PKN2: variants seen among roughly 807,000 people sequenced by gnomAD.
PKN2 encodes protein kinase N2, also known as serine/threonine-protein kinase N2.
PKN2 carries 38 observed loss-of-function variants against 119.1 expected under a neutral mutation model. That is an observed-to-expected ratio of 0.32 (90% CI 0.25 to 0.42). PKN2 has a LOEUF of 0.42. Among genes scored for constraint, PKN2 ranks in the 10% least tolerant of loss-of-function variants. The pLI, the probability that PKN2 is intolerant of heterozygous loss-of-function variation, is 1.00. For missense variants in PKN2, 850 were observed against 1,165.1 expected, an observed-to-expected ratio of 0.73 and a Z score of 3.94; for synonymous variants, 390 against 384.9, an observed-to-expected ratio of 1.01 and a Z score of -0.15.
chr1:88,686,028 T>C (rs1435832233), intron 1 of PKN2, among the ~76,000 whole-genome samples: 1 of 152,192 alleles, frequency 6.6e-6, no homozygotes, highest in Non-Finnish European at 1.5e-5. Context: ...TTTCATATAA[T>C]TGAAAATGTT....
intron 1 of PKN2, among the ~76,000 whole-genome samples, chr1:88,692,604 C>G (rs995310949): frequency 5.9e-5 from 9 of 152,152 alleles, no homozygotes; most frequent in Admixed American, 2.0e-4. Flanking sequence ...GCGCATTTTC[C>G]TGGTTATCAC....
chr1:88,754,902 G>A (rs1669140475), intron 2 of PKN2, among the ~76,000 whole-genome samples: 2 of 152,084 alleles, frequency 1.3e-5, no homozygotes, highest in Non-Finnish European at 2.9e-5. Context: ...ATTTTGAATT[G>A]TATAATAATG....
chr1:88,744,716 C>T (rs539164923), intron 2 of PKN2, among the ~76,000 whole-genome samples: 13 of 152,252 alleles, frequency 8.5e-5, no homozygotes, highest in Admixed American at 2.0e-4. Context: ...CCATCCTGCC[C>T]GGCTAGGGAC....
intron 1 of PKN2, among the ~76,000 whole-genome samples, chr1:88,685,555 G>T (rs1274252739): frequency 1.3e-5 from 2 of 152,144 alleles, no homozygotes; most frequent in African/African-American, 2.4e-5. Context: ...ATTTTCTTTA[G>T]ATCTCTATGG....
intron 17 of PKN2, among the ~76,000 whole-genome samples, chr1:88,823,786 G>A (rs1217401191): frequency 4.0e-5 from 6 of 148,318 alleles, no homozygotes; most frequent in Non-Finnish European, 5.9e-5. Flanking sequence ...TGAGGCCAGC[G>A]GATCACGAGG....
chr1:88,795,990 C>G lies in PKN2; in HGVS notation c.1282-8401C>G, dbSNP rs151121996. 1.2e-3 allele frequency among the ~76,000 whole-genome samples: 187 copies of G among 152,330 alleles called. 1 individual carries two copies. Among genetic ancestry groups the G allele is most frequent in the African/African-American group, 4.2e-3 (174 of 41,582 alleles). ...AAATAACTTGCTCACGGTCACAGAA[C>G]TACTAAGTGGTGTGGGATTAAGATT... On this transcript the variant is annotated intron_variant, in intron 8 of 21. Transcript: ENST00000370521.
At chr1:88,786,764 G>A (rs931412381) in intron 8 of PKN2, among the ~76,000 whole-genome samples, 1 of 151,944 alleles carries the variant, frequency 6.6e-6, no homozygotes, top group Non-Finnish European at 1.5e-5. Flanking sequence ...ATATTAAAAC[G>A]TAATCGTAAT....
At chr1:88,734,619 A>G (rs896701567) in intron 1 of PKN2, among the ~76,000 whole-genome samples, 12 of 152,136 alleles carry the variant, frequency 7.9e-5, no homozygotes, top group African/African-American at 2.4e-4. Flanking sequence ...TTTGAAGTCA[A>G]GTAGTATGAT....
intron 1 of PKN2, among the ~76,000 whole-genome samples, chr1:88,728,822 T>C (rs1042549522): frequency 6.6e-6 from 1 of 152,068 alleles, no homozygotes; most frequent in African/African-American, 2.4e-5. Context: ...CATATTTAGC[T>C]TAATATAGAT....
chr1:88,835,541 A>T lies in PKN2; in HGVS notation c.*2093A>T, dbSNP rs1672907783. The T allele has an allele frequency of 6.6e-6, 1 of 152,316 alleles. No homozygotes were observed. Among genetic ancestry groups the T allele is most frequent in the African/African-American group, 2.4e-5 (1 of 41,394 alleles). 9.4% of individuals were successfully genotyped at this position (152,316 alleles called of 1,614,324 possible). On this transcript the variant is annotated 3_prime_UTR_variant, in exon 22 of 22. Coordinates refer to ENST00000370521, the MANE Select transcript of PKN2 (RefSeq NM_006256.4). ...CACAATTAAGCTGAAGAAAGCACTA[A>T]TTTTTTGTAGTTTAAAATATATATA... is the stretch of plus-strand genomic sequence containing the variant.
intron 1 of PKN2, among the ~76,000 whole-genome samples, chr1:88,699,476 G>A (rs1381485800): frequency 6.6e-6 from 1 of 152,054 alleles, no homozygotes. Flanking sequence ...TGTTACATAG[G>A]TAAACATGTG....
At chr1:88,764,571 A>G (rs1669580558) in intron 3 of PKN2, among the ~76,000 whole-genome samples, 1 of 152,230 alleles carries the variant, frequency 6.6e-6, no homozygotes, top group African/African-American at 2.4e-5. Flanking sequence ...ATCTGTTAAA[A>G]CAATGGATAC....
intron 1 of PKN2, among the ~76,000 whole-genome samples, chr1:88,696,842 C>T (rs1007074852): frequency 1.3e-5 from 2 of 151,988 alleles, no homozygotes; most frequent in Admixed American, 1.3e-4. Flanking sequence ...ATCATCTGAC[C>T]CCCATTTTTT....
chr1:88,796,007 A>T (rs1039319305), intron 8 of PKN2, among the ~76,000 whole-genome samples: 1 of 152,206 alleles, frequency 6.6e-6, no homozygotes, highest in Admixed American at 6.5e-5. Flanking sequence ...GTGGTGTGGG[A>T]TTAAGATTTA....
intron 8 of PKN2, among the ~76,000 whole-genome samples, chr1:88,789,397 T>A (rs1040445477): frequency 2.0e-5 from 3 of 152,070 alleles, no homozygotes; most frequent in East Asian, 3.9e-4. Context: ...TGCAGTAGCT[T>A]ATGCTTGTAA....
chr1:88,733,358 A>AT (rs139415279), intron 1 of PKN2, among the ~76,000 whole-genome samples: 6,138 of 152,064 alleles, frequency 0.04, 281 homozygotes, highest in African/African-American at 0.1. Context: ...CTATCTTTTG[A>AT]TTTTTTGAGA....
chr1:88,775,658 C>A (rs1243727153), intron 6 of PKN2, among the ~76,000 whole-genome samples: 1 of 152,074 alleles, frequency 6.6e-6, no homozygotes, highest in African/African-American at 2.4e-5. Context: ...TCTTTAGTAG[C>A]CTACAAAAAA....
intron 8 of PKN2, among the ~76,000 whole-genome samples, chr1:88,803,556 T>C (rs1351523549): frequency 2.0e-5 from 3 of 152,140 alleles, no homozygotes; most frequent in Non-Finnish European, 4.4e-5. Context: ...TAGAGGTCAG[T>C]ATATGGTTTG....
intron 6 of PKN2, among the ~76,000 whole-genome samples, chr1:88,776,005 G>C (rs967041459): frequency 6.6e-6 from 1 of 151,878 alleles, no homozygotes; most frequent in Non-Finnish European, 1.5e-5. Flanking sequence ...CTACTCAGGA[G>C]GCTGAGGCAG....
Sources: allele counts gnomAD v4.1 joint callset (sites outside exome capture counted in the v4.1 genomes callset), GRCh38; gene constraint gnomAD v4.1.1; transcripts MANE v1.5; gene names NCBI Gene and HGNC (gene_info 2026-07-23, HGNC 2026-07-21).